LRMDA: variants seen among roughly 807,000 people sequenced by gnomAD.
The protein encoded by LRMDA is leucine rich melanocyte differentiation associated, also known as leucine-rich melanocyte differentiation-associated protein.
Under a neutral mutation model 29.8 loss-of-function variants are expected in LRMDA, and 18 were observed. The ratio of observed to expected loss-of-function variants is 0.60; its 90% CI spans 0.42 to 0.90. The LOEUF (loss-of-function observed/expected upper bound fraction) is 0.90, where lower values mean the gene tolerates loss of function less well. LRMDA is among the 40% of genes least tolerant of loss of function. The pLI is 0.00. For missense variants in LRMDA, 273 were observed against 273.9 expected, an observed-to-expected ratio of 1.00 and a Z score of 0.02; for synonymous variants, 125 against 109.4, an observed-to-expected ratio of 1.14 and a Z score of -0.89.
chr10:75,613,847 T>C (rs1841066078), intron 2 of LRMDA, among the ~76,000 whole-genome samples: 4 of 152,220 alleles, frequency 2.6e-5, no homozygotes, highest in Admixed American at 2.6e-4. Flanking sequence ...AATAAATGGT[T>C]ACCCTTTGGT....
At chr10:76,106,806 G>A (rs1849492692) in intron 5 of LRMDA, among the ~76,000 whole-genome samples, 1 of 152,180 alleles carries the variant, frequency 6.6e-6, no homozygotes, top group Non-Finnish European at 1.5e-5. Context: ...GAGGAAGCTG[G>A]AGCAGCTTCT....
intron 2 of LRMDA, chr10:75,883,338 C>T (rs1845325581): frequency 6.6e-6 from 1 of 152,236 alleles, no homozygotes; most frequent in Admixed American, 6.5e-5. Context: ...CCTGGTTACC[C>T]TCAAGGATTG....
intron 2 of LRMDA, among the ~76,000 whole-genome samples, chr10:75,956,829 G>C (rs74149832): frequency 0.013 from 2,052 of 152,284 alleles, 36 homozygotes; most frequent in African/African-American, 0.045. Context: ...TATTCCATTA[G>C]CTTGATCTTA....
intron 6 of LRMDA, among the ~76,000 whole-genome samples, chr10:76,393,249 G>C (rs1841744382): frequency 1.3e-5 from 2 of 152,038 alleles, no homozygotes; most frequent in Non-Finnish European, 2.9e-5. Flanking sequence ...TTTAATTGAG[G>C]AATCTCCATA....
intron 2 of LRMDA, among the ~76,000 whole-genome samples, chr10:75,720,115 C>T (rs1226994008): frequency 6.6e-6 from 1 of 152,266 alleles, no homozygotes; most frequent in Non-Finnish European, 1.5e-5. Context: ...AGATTGTTTT[C>T]CTAAATTTGC....
intron 5 of LRMDA, among the ~76,000 whole-genome samples, chr10:76,151,363 A>G (rs1850439193): frequency 6.6e-6 from 1 of 152,190 alleles, no homozygotes; most frequent in South Asian, 2.1e-4. Flanking sequence ...GCCTAAGCCC[A>G]CAGCCATCCC....
intron 6 of LRMDA, among the ~76,000 whole-genome samples, chr10:76,489,834 G>GTA (rs1159206516): frequency 3.3e-5 from 5 of 150,782 alleles, no homozygotes; most frequent in Admixed American, 6.6e-5. Flanking sequence ...CCAATTATAT[G>GTA]TATATATATA....
At chr10:75,833,148 C>T (rs1181055178) in intron 2 of LRMDA, among the ~76,000 whole-genome samples, 1 of 152,202 alleles carries the variant, frequency 6.6e-6, no homozygotes, top group Non-Finnish European at 1.5e-5. Flanking sequence ...CAGCCCCTTG[C>T]ACCAGAAAAT....
chr10:76,240,081 A>G (rs908953540), intron 5 of LRMDA, among the ~76,000 whole-genome samples: 5 of 151,990 alleles, frequency 3.3e-5, no homozygotes, highest in African/African-American at 9.7e-5. Context: ...GACTAAGGAC[A>G]TGTATAGACA....
chr10:75,862,728 A>C (rs1844953190), intron 2 of LRMDA, among the ~76,000 whole-genome samples: 1 of 152,212 alleles, frequency 6.6e-6, no homozygotes, highest in Non-Finnish European at 1.5e-5. Context: ...AATGAGCTGG[A>C]AGTTCCAGAA....
At chr10:76,110,039 CTCAGGGA>C (rs1849551930) in intron 5 of LRMDA, among the ~76,000 whole-genome samples, 1 of 152,178 alleles carries the variant, frequency 6.6e-6, no homozygotes, top group Non-Finnish European at 1.5e-5. Flanking sequence ...TTTGAAAGTA[CTCAGGGA>C]TGTGTCCTCT....
intron 5 of LRMDA, among the ~76,000 whole-genome samples, chr10:76,196,294 T>G (rs1851330354): frequency 6.6e-6 from 1 of 152,256 alleles, no homozygotes; most frequent in Non-Finnish European, 1.5e-5. Context: ...TTGTCTAATT[T>G]CTTCAGCAAA....
intron 5 of LRMDA, among the ~76,000 whole-genome samples, chr10:76,117,311 C>T (rs530471084): frequency 4.1e-4 from 63 of 152,298 alleles, no homozygotes; most frequent in African/African-American, 1.5e-3. Context: ...ATATTCATAA[C>T]TCTGTCTCCT....
chr10:76,123,366 A>C (rs944178958), intron 5 of LRMDA, among the ~76,000 whole-genome samples: 8 of 148,928 alleles, frequency 5.4e-5, no homozygotes, highest in Non-Finnish European at 1.0e-4. Context: ...AAAATTAGCC[A>C]GGTATGGCGG....
chr10:76,369,299 G>A (rs1210463600), intron 6 of LRMDA, among the ~76,000 whole-genome samples: 1 of 152,134 alleles, frequency 6.6e-6, no homozygotes, highest in East Asian at 1.9e-4. Flanking sequence ...AGTTCTTGTT[G>A]TGGTAGTTTG....
chr10:75,731,425 G>GT (rs1842695592), intron 2 of LRMDA, among the ~76,000 whole-genome samples: 1 of 152,190 alleles, frequency 6.6e-6, no homozygotes, highest in Non-Finnish European at 1.5e-5. Context: ...CTGTAAATGT[G>GT]TTTGTCTGTT....
At chr10:75,542,271 C>A (rs987105044) in intron 2 of LRMDA, among the ~76,000 whole-genome samples, 1 of 152,096 alleles carries the variant, frequency 6.6e-6, no homozygotes, top group Admixed American at 6.5e-5. Flanking sequence ...AAGTCTTAAG[C>A]CTGAAACTTT....
chr10:76,475,059 A>G (rs757238326), intron 6 of LRMDA, among the ~76,000 whole-genome samples: 6 of 151,756 alleles, frequency 4.0e-5, no homozygotes, highest in Non-Finnish European at 5.9e-5. Context: ...ATATGCTACA[A>G]TGTGGGTAAA....
chr10:75,724,523 A>T (rs879434598), intron 2 of LRMDA, among the ~76,000 whole-genome samples: 5 of 152,160 alleles, frequency 3.3e-5, no homozygotes, highest in Non-Finnish European at 7.3e-5. Context: ...CCTAAGAAAT[A>T]TTGATATTTT....
Sources: gnomAD v4.1 joint callset for allele counts (sites outside exome capture counted in the v4.1 genomes callset) on GRCh38, gnomAD v4.1.1 for gene constraint, MANE v1.5 for transcripts, NCBI Gene and HGNC (gene_info 2026-07-23, HGNC 2026-07-21) for gene names.